Variants in RPTOR observed in about 807,000 individuals in gnomAD.
RPTOR encodes the protein regulatory-associated protein of mTOR.
Under a neutral mutation model 169.9 loss-of-function variants are expected in RPTOR, and 21 were observed. The observed-to-expected ratio is 0.12, with a 90% CI of 0.09 to 0.18. RPTOR has a LOEUF of 0.18. Among genes scored for constraint, RPTOR ranks in the 10% least tolerant of loss-of-function variants. RPTOR has a pLI of 1.00. For synonymous variants in RPTOR, 732 were observed against 753.2 expected (o/e 0.97, Z 0.46); for missense variants, 1,133 against 1,855.9 (o/e 0.61, Z 7.16).
In RPTOR at chr17:80,881,432, C is replaced by T. The variant is rs578184901; in HGVS notation, c.1584+943C>T. ...AGAAGTGAGGAAGAATGCTCACTGG[C>T]GACTTGGGCGCGAGGGTGAGCTAAG... On this transcript the variant is annotated intron_variant, in intron 14 of 33. Coordinates refer to ENST00000306801, the MANE Select transcript of RPTOR (RefSeq NM_020761.3). Among the ~76,000 whole-genome samples the T allele has an allele frequency of 3.9e-5, 6 of 152,346 alleles. No individual in the cohort carries two copies. In the South Asian group the frequency reaches 1.0e-3, roughly 26 times the overall value.
chr17:80,837,869 C>G, intron 9 of RPTOR, 53 bp from the exon 10 acceptor site: 1 of 1,538,752 alleles, frequency 6.5e-7, no homozygotes, highest in Non-Finnish European at 8.9e-7. Flanking sequence ...GAAGTGGCCT[C>G]GTGTGGAAGC....
chr17:80,866,974 G>A (rs946742711), intron 13 of RPTOR, among the ~76,000 whole-genome samples: 3 of 152,162 alleles, frequency 2.0e-5, no homozygotes, highest in Non-Finnish European at 2.9e-5. Flanking sequence ...TAAGGAAGAC[G>A]TATTTGGATG....
At chr17:80,830,682 G>A (rs2067493923) in intron 9 of RPTOR, among the ~76,000 whole-genome samples, 1 of 152,216 alleles carries the variant, frequency 6.6e-6, no homozygotes, top group Admixed American at 6.5e-5. Context: ...TGGTAGTTGA[G>A]GTGAGATCGC....
chr17:80,853,849 C>T (rs975765519), intron 11 of RPTOR, among the ~76,000 whole-genome samples: 16 of 152,080 alleles, frequency 1.1e-4, no homozygotes, highest in Non-Finnish European at 2.4e-4. Context: ...GTCATGGTGG[C>T]AGGCGCTTGT....
chr17:80,613,113 A>T (rs1292859218), intron 1 of RPTOR, among the ~76,000 whole-genome samples: 2 of 152,006 alleles, frequency 1.3e-5, no homozygotes, highest in Non-Finnish European at 2.9e-5. Context: ...GATCATCATC[A>T]TCCTGTCCGA....
At chr17:80,831,853 G>GTCAC (rs11280580) in intron 9 of RPTOR, among the ~76,000 whole-genome samples, 10 of 151,140 alleles carry the variant, frequency 6.6e-5, no homozygotes, top group South Asian at 2.1e-4. Flanking sequence ...ATCCCTGTGT[G>GTCAC]TGCCTGTATG....
intron 7 of RPTOR, among the ~76,000 whole-genome samples, chr17:80,817,152 G>C (rs2143596382): frequency 1.3e-5 from 2 of 152,322 alleles, no homozygotes; most frequent in East Asian, 3.9e-4. Flanking sequence ...GGCAGCGGTG[G>C]TGGAGGTAGT....
chr17:80,639,690 T>C (rs1427027829), intron 2 of RPTOR, among the ~76,000 whole-genome samples: 4 of 152,162 alleles, frequency 2.6e-5, no homozygotes, highest in African/African-American at 9.7e-5. Context: ...GGGGCACCAC[T>C]CTTTGGGGCC....
At chr17:80,584,529 A>C (rs1005641161) in intron 1 of RPTOR, among the ~76,000 whole-genome samples, 1 of 151,858 alleles carries the variant, frequency 6.6e-6, no homozygotes, top group Non-Finnish European at 1.5e-5. Context: ...TGGAGGGAAG[A>C]CTCTGCCAGG....
chr17:80,840,134 A>G (rs1021033863), intron 10 of RPTOR, among the ~76,000 whole-genome samples: 5 of 152,134 alleles, frequency 3.3e-5, no homozygotes, highest in Non-Finnish European at 7.4e-5. Flanking sequence ...AAGCAGCCCC[A>G]TGAGCCCCCT....
In RPTOR at chr17:80,960,610, T is replaced by TG. The variant is rs199677255; in HGVS notation, c.3605+406dup. Among the ~76,000 whole-genome samples the TG allele has an allele frequency of 0.01, 1,528 of 152,320 alleles. 24 individuals carry two copies. The highest frequency in any genetic ancestry group is 0.035 in the African/African-American group (1,443 of 41,568). On this transcript the variant is annotated intron_variant, in intron 30 of 33. Transcript: ENST00000306801. This position sits in a 1 kb window ranked among gnomAD's most constrained non-coding sequence, Gnocchi z 4.8. ...CATGCAGCAAGTGTCTGGGGAGGGA[T>TG]GTCTGAGGGCACACACGTGGGCACA...
At chr17:80,870,812 T>C (rs896122451) in intron 13 of RPTOR, among the ~76,000 whole-genome samples, 7 of 152,260 alleles carry the variant, frequency 4.6e-5, no homozygotes, top group Non-Finnish European at 8.8e-5. Context: ...AGAGTTCTCA[T>C]GTACCCTACA....
intron 13 of RPTOR, among the ~76,000 whole-genome samples, chr17:80,867,688 A>G (rs959565487): frequency 5.3e-5 from 8 of 152,242 alleles, no homozygotes; most frequent in Non-Finnish European, 4.4e-5. Context: ...TATAAGATCA[A>G]TATACAAAAA....
At chr17:80,962,696 G>C (rs2069360640) in intron 32 of RPTOR, 119 bp downstream of exon 32, 1 of 1,102,572 alleles carries the variant, frequency 9.1e-7, no homozygotes, top group Non-Finnish European at 1.3e-6. Flanking sequence ...GGATTTCACT[G>C]CTGTGGGGAC....
At chr17:80,684,404 GTTTATTTATTTATTTATTTATTTATTTA>G (rs55921146) in intron 3 of RPTOR, among the ~76,000 whole-genome samples, 1 of 136,824 alleles carries the variant, frequency 7.3e-6, no homozygotes, top group South Asian at 2.4e-4. Flanking sequence ...GGAGATACAT[GTTTATTTATTTATTTATTTATTTATTTA>G]TTTATTTATT....
chr17:80,632,578 C>T (rs527959432), intron 2 of RPTOR, among the ~76,000 whole-genome samples: 12 of 152,264 alleles, frequency 7.9e-5, no homozygotes, highest in African/African-American at 2.2e-4. Context: ...TTAGGAATAT[C>T]GTCTACTTTC....
chr17:80,817,125 G>A (rs1178541928), intron 7 of RPTOR, among the ~76,000 whole-genome samples: 2 of 152,226 alleles, frequency 1.3e-5, no homozygotes, highest in South Asian at 2.1e-4. Flanking sequence ...CGGGAGGCAC[G>A]GCATGAGTGC....
chr17:80,802,625 AT>A (rs1428910766), intron 7 of RPTOR: 2 of 152,254 alleles, frequency 1.3e-5, no homozygotes, highest in African/African-American at 4.8e-5. Context: ...AAGAAAATGC[AT>A]GTGTCTGGAT....
chr17:80,587,225 T>C (rs994577986), intron 1 of RPTOR, among the ~76,000 whole-genome samples: 1 of 152,272 alleles, frequency 6.6e-6, no homozygotes, highest in Non-Finnish European at 1.5e-5. Context: ...CTCACAGTTT[T>C]ATCAACTGTT....
Sources: gnomAD v4.1 joint callset for allele counts (sites outside exome capture counted in the v4.1 genomes callset) on GRCh38, gnomAD v4.1.1 for gene constraint, Gnocchi (gnomAD v3.1) non-coding constraint, MANE v1.5 for transcripts, NCBI Gene and HGNC (gene_info 2026-07-23, HGNC 2026-07-21) for gene names.